The following SH3BGRL2 variants were observed in gnomAD, a reference collection of about 807,000 sequenced individuals.
The protein encoded by SH3BGRL2 is SH3 domain binding glutamate rich protein like 2, also known as SH3 domain-binding glutamic acid-rich-like protein 2.
Under a neutral mutation model 14.8 loss-of-function variants are expected in SH3BGRL2, and 21 were observed. That is an observed-to-expected ratio of 1.42 (90% CI 1.01 to 2.05). The LOEUF (loss-of-function observed/expected upper bound fraction) is 2.05, where lower values mean the gene tolerates loss of function less well. Among genes scored for constraint, SH3BGRL2 ranks in the 30% most tolerant of loss-of-function variants. The pLI is 0.00. For synonymous variants in SH3BGRL2, 50 were observed against 47.8 expected (o/e 1.05, Z -0.19); for missense variants, 147 against 130.8 (o/e 1.12, Z -0.61).
chr6:79,686,203 T>C (rs963837105), intron 2 of SH3BGRL2, among the ~76,000 whole-genome samples: 3 of 152,218 alleles, frequency 2.0e-5, no homozygotes, highest in Non-Finnish European at 4.4e-5. Flanking sequence ...CTTTGGAATT[T>C]CATCAGTATG....
chr6:79,661,081 G>C (rs574450698), intron 1 of SH3BGRL2, among the ~76,000 whole-genome samples: 1 of 152,170 alleles, frequency 6.6e-6, no homozygotes, highest in East Asian at 1.9e-4. Flanking sequence ...CAAAAAACCA[G>C]CTCCTGGATT....
the SH3BGRL2 span, among the ~76,000 whole-genome samples, chr6:79,564,240 A>G: frequency 2.0e-5 from 3 of 152,336 alleles, no homozygotes; most frequent in East Asian, 5.8e-4. Flanking sequence ...TGCTAGCTGA[A>G]TATCAGAAAG....
At chr6:79,572,676 A>G in the SH3BGRL2 span, among the ~76,000 whole-genome samples, 10 of 152,222 alleles carry the variant, frequency 6.6e-5, no homozygotes, top group East Asian at 1.9e-4. Flanking sequence ...TGTGTTAGCC[A>G]GGATGGTCTC....
the SH3BGRL2 span, among the ~76,000 whole-genome samples, chr6:79,600,642 C>A: frequency 1.3e-5 from 2 of 152,144 alleles, no homozygotes; most frequent in African/African-American, 2.4e-5. Context: ...TGGTTCAGAA[C>A]CTGCATTTAA....
At chr6:79,668,939 A>G (rs1308349860) in intron 1 of SH3BGRL2, among the ~76,000 whole-genome samples, 2 of 152,190 alleles carry the variant, frequency 1.3e-5, no homozygotes, top group African/African-American at 4.8e-5. Flanking sequence ...ATGCTTTTCA[A>G]AACTGTGCTG....
the SH3BGRL2 span, among the ~76,000 whole-genome samples, chr6:79,603,141 C>G: frequency 6.6e-6 from 1 of 152,160 alleles, no homozygotes; most frequent in African/African-American, 2.4e-5. Flanking sequence ...ACCTAGTAAC[C>G]AGCTAAAAGT....
intron 1 of SH3BGRL2, among the ~76,000 whole-genome samples, chr6:79,671,699 C>T (rs1214998095): frequency 6.6e-6 from 1 of 152,174 alleles, no homozygotes; most frequent in Admixed American, 6.5e-5. Context: ...TTCCTGTTAC[C>T]GCATGGGAAG....
chr6:79,588,477 C>T, the SH3BGRL2 span, among the ~76,000 whole-genome samples: 1 of 152,094 alleles, frequency 6.6e-6, no homozygotes, highest in Non-Finnish European at 1.5e-5. Flanking sequence ...CACTTTTATT[C>T]TGGGAAATGT....
chr6:79,582,082 T>C, the SH3BGRL2 span, among the ~76,000 whole-genome samples: 135,225 of 152,090 alleles, frequency 0.89, 60,884 homozygotes, highest in Non-Finnish European at 0.93. Context: ...TTACGAGGGA[T>C]GTGAAGGACC....
chr6:79,609,018 T>C, the SH3BGRL2 span, among the ~76,000 whole-genome samples: 1 of 152,138 alleles, frequency 6.6e-6, no homozygotes, highest in South Asian at 2.1e-4. Flanking sequence ...CACTCTATGG[T>C]CTTAACACAT....
chr6:79,699,493 T>TTTTTTTGGA lies in SH3BGRL2; in HGVS notation c.313-5_313-4insTTTTTTGGA. The TTTTTTTGGA allele has an allele frequency of 1.4e-6, 2 of 1,407,116 alleles. No individual in the cohort carries two copies. The highest frequency in any genetic ancestry group is 1.9e-6 in the Non-Finnish European group (2 of 1,072,450). The allele number at this position is 1,407,116 out of a possible 1,614,324, so 87.2% of individuals were successfully genotyped here. A position where few individuals can be genotyped will look rare whatever the true frequency, so the allele number is the denominator to read the frequency against. ...TTTTTTTTTTTTTTTTTTTTTTTTT[T>TTTTTTTGGA]ATAGGCAGAACCTTAGAGAAGAAGA... On this transcript the variant is annotated splice_polypyrimidine_tract_variant and splice_region_variant and intron_variant, in intron 3 of 3. Coordinates refer to ENST00000369838, the MANE Select transcript of SH3BGRL2 (RefSeq NM_031469.4).
chr6:79,575,781 A>T, the SH3BGRL2 span, among the ~76,000 whole-genome samples: 5 of 149,404 alleles, frequency 3.3e-5, no homozygotes, highest in African/African-American at 1.2e-4. Flanking sequence ...CTAAATTTTT[A>T]AAAATATTTT....
chr6:79,657,437 A>G (rs1769443509), intron 1 of SH3BGRL2, among the ~76,000 whole-genome samples: 1 of 152,210 alleles, frequency 6.6e-6, no homozygotes, highest in Admixed American at 6.5e-5. Flanking sequence ...CTAGGAAACC[A>G]GAAGAGGATG....
chr6:79,664,506 G>A (rs1769617332), intron 1 of SH3BGRL2, among the ~76,000 whole-genome samples: 1 of 152,118 alleles, frequency 6.6e-6, no homozygotes. Flanking sequence ...TGACTGTTCA[G>A]GACTAGAACA....
chr6:79,686,550 T>G (rs997644214), intron 2 of SH3BGRL2, among the ~76,000 whole-genome samples: 1 of 152,220 alleles, frequency 6.6e-6, no homozygotes, highest in African/African-American at 2.4e-5. Flanking sequence ...ATCTACTTTC[T>G]AATTTGGCAG....
At chr6:79,682,860 A>T (rs1207924739) in intron 2 of SH3BGRL2, among the ~76,000 whole-genome samples, 1 of 152,270 alleles carries the variant, frequency 6.6e-6, no homozygotes, top group East Asian at 1.9e-4. Context: ...ACCATGGAGT[A>T]CTATGCAGCC....
chr6:79,577,828 C>T, the SH3BGRL2 span, among the ~76,000 whole-genome samples: 1 of 152,200 alleles, frequency 6.6e-6, no homozygotes, highest in Non-Finnish European at 1.5e-5. Context: ...CATCACCTCA[C>T]CCGGGAAGCA....
intron 1 of SH3BGRL2, among the ~76,000 whole-genome samples, chr6:79,660,463 C>T (rs1769520745): frequency 6.6e-6 from 1 of 152,096 alleles, no homozygotes; most frequent in Non-Finnish European, 1.5e-5. Context: ...ATATGTTGAA[C>T]CAGCCTTGCA....
the SH3BGRL2 span, among the ~76,000 whole-genome samples, chr6:79,610,641 C>T: frequency 1.0e-3 from 152 of 152,316 alleles, 1 homozygote; most frequent in African/African-American, 3.6e-3. Flanking sequence ...TCATGGGAGA[C>T]AAGTCACTCC....
Sources: allele counts gnomAD v4.1 joint callset (sites outside exome capture counted in the v4.1 genomes callset), GRCh38; gene constraint gnomAD v4.1.1; transcripts MANE v1.5; gene names NCBI Gene and HGNC (gene_info 2026-07-23, HGNC 2026-07-21).